Variants in RPS6KC1 observed in about 807,000 individuals in gnomAD.
RPS6KC1 encodes the protein inactive ribosomal protein S6 kinase delta-1.
In RPS6KC1, 54 loss-of-function variants were observed where a neutral mutation model predicts 103.8. The observed-to-expected ratio is 0.52, with a 90% CI of 0.42 to 0.65. RPS6KC1 has a LOEUF of 0.65. Among genes scored for constraint, RPS6KC1 ranks in the 30% least tolerant of loss-of-function variants. RPS6KC1 has a pLI of 0.00. For missense variants in RPS6KC1, 1,151 were observed against 1,253.8 expected (o/e 0.92, Z 1.24); for synonymous variants, 439 against 438.7 (o/e 1.00, Z -0.01).
At chr1:213,315,227 T>A in the RPS6KC1 span, among the ~76,000 whole-genome samples, 2 of 152,262 alleles carry the variant, frequency 1.3e-5, no homozygotes, top group African/African-American at 4.8e-5. Context: ...GTTCTTCACC[T>A]GTCTTTTTGG....
chr1:213,688,249 C>T, the RPS6KC1 span, among the ~76,000 whole-genome samples: 1,816 of 152,262 alleles, frequency 0.012, 36 homozygotes, highest in African/African-American at 0.041. Context: ...CTTCCTTCTC[C>T]CCAAGCTCAA....
the RPS6KC1 span, among the ~76,000 whole-genome samples, chr1:213,799,822 G>T: frequency 6.6e-6 from 1 of 152,198 alleles, no homozygotes; most frequent in African/African-American, 2.4e-5. Flanking sequence ...TAGTAGGCAG[G>T]TATCTTAGTC....
chr1:213,367,533 G>A, the RPS6KC1 span, among the ~76,000 whole-genome samples: 5 of 152,170 alleles, frequency 3.3e-5, no homozygotes, highest in Admixed American at 1.3e-4. Flanking sequence ...GAGTTCTGCC[G>A]TGGTTGAAGA....
At chr1:213,677,554 G>A in the RPS6KC1 span, among the ~76,000 whole-genome samples, 1 of 152,172 alleles carries the variant, frequency 6.6e-6, no homozygotes, top group South Asian at 2.1e-4. Flanking sequence ...AACTCCCCAT[G>A]TGGCATTAAT....
chr1:213,252,321 A>C (rs2149031180), intron 12 of RPS6KC1, among the ~76,000 whole-genome samples: 2 of 152,344 alleles, frequency 1.3e-5, no homozygotes, highest in Middle Eastern at 6.8e-3. Context: ...TGCAAAAAGA[A>C]AGATGTTCTT....
the RPS6KC1 span, among the ~76,000 whole-genome samples, chr1:213,293,952 T>C: frequency 6.6e-6 from 1 of 152,176 alleles, no homozygotes; most frequent in African/African-American, 2.4e-5. Flanking sequence ...CGTAACACAA[T>C]GACAGTTTTT....
At chr1:213,232,087 A>G in intron 9 of RPS6KC1, 36 bp from the exon 10 acceptor site, 1 of 1,607,398 alleles carries the variant, frequency 6.2e-7, no homozygotes, top group Non-Finnish European at 8.5e-7. Context: ...TGAGGATGCA[A>G]CTGAGGATAC....
At chr1:213,401,534 C>A in the RPS6KC1 span, among the ~76,000 whole-genome samples, 3 of 152,188 alleles carry the variant, frequency 2.0e-5, no homozygotes, top group Non-Finnish European at 4.4e-5. Flanking sequence ...TTCACGGAAC[C>A]TGAAGATGGA....
the RPS6KC1 span, among the ~76,000 whole-genome samples, chr1:213,547,753 T>C: frequency 6.6e-6 from 1 of 152,198 alleles, no homozygotes; most frequent in East Asian, 1.9e-4. Context: ...CCTCTTGCCA[T>C]GTGGTTCCTG....
the RPS6KC1 span, among the ~76,000 whole-genome samples, chr1:213,431,849 T>C: frequency 4.5e-3 from 678 of 152,340 alleles, 5 homozygotes; most frequent in African/African-American, 0.016. Context: ...TTATAGGGAC[T>C]ATCTATGTTC....
the RPS6KC1 span, chr1:213,818,085 C>G: frequency 6.6e-6 from 1 of 152,352 alleles, no homozygotes; most frequent in South Asian, 2.1e-4. Context: ...GCCTGCCCCA[C>G]TGACTTTCTG....
the RPS6KC1 span, among the ~76,000 whole-genome samples, chr1:213,595,140 G>T: frequency 6.6e-6 from 1 of 152,142 alleles, no homozygotes; most frequent in African/African-American, 2.4e-5. Context: ...ACAAACACTA[G>T]TTCCAGACTC....
chr1:213,510,130 G>A, the RPS6KC1 span, among the ~76,000 whole-genome samples: 3 of 152,160 alleles, frequency 2.0e-5, no homozygotes, highest in African/African-American at 7.2e-5. Context: ...GCATCATTGT[G>A]CCTTTTCATG....
chr1:213,815,200 T>A, the RPS6KC1 span, among the ~76,000 whole-genome samples: 1 of 152,152 alleles, frequency 6.6e-6, no homozygotes, highest in South Asian at 2.1e-4. Context: ...GAAGGATGCG[T>A]TTACTTCCCC....
the RPS6KC1 span, among the ~76,000 whole-genome samples, chr1:213,687,809 T>TAG: frequency 2.0e-5 from 3 of 152,188 alleles, no homozygotes; most frequent in Admixed American, 6.5e-5. Flanking sequence ...CTTCTGAGCG[T>TAG]AGAGAGAGAG....
At chr1:213,061,610 T>G (rs913933677) in intron 1 of RPS6KC1, among the ~76,000 whole-genome samples, 2 of 151,140 alleles carry the variant, frequency 1.3e-5, no homozygotes, top group African/African-American at 4.9e-5. Context: ...TTTTTGTATG[T>G]ATGAAGTCCA....
In RPS6KC1 at chr1:213,077,822, T is replaced by C. The variant is rs774844476; in HGVS notation, c.262+6T>C. 4.4e-5 allele frequency: 65 copies of C among 1,492,326 alleles called. No homozygotes were observed. The highest frequency in any genetic ancestry group is 3.7e-4 in the Admixed American group (17 of 45,504). 92.4% of individuals were successfully genotyped at this position (1,492,326 alleles called of 1,614,324 possible). On this transcript the variant is annotated splice_donor_region_variant and intron_variant, in intron 3 of 14. Coordinates refer to ENST00000366960, the MANE Select transcript of RPS6KC1 (RefSeq NM_012424.6). Reference sequence around the variant, plus strand: ...TGCTAAAGGAATAGTGTTTGGTAAGTGATTATTTTGAAATTGTAATTTAAA... The same window carrying C: ...TGCTAAAGGAATAGTGTTTGGTAAGCGATTATTTTGAAATTGTAATTTAAA...
chr1:213,535,837 A>G, the RPS6KC1 span, among the ~76,000 whole-genome samples: 2 of 152,216 alleles, frequency 1.3e-5, no homozygotes, highest in East Asian at 3.9e-4. Context: ...GTCGTTGGCT[A>G]GGATCAGGTC....
At chr1:213,619,390 C>T in the RPS6KC1 span, among the ~76,000 whole-genome samples, 4 of 152,158 alleles carry the variant, frequency 2.6e-5, no homozygotes, top group Non-Finnish European at 5.9e-5. Context: ...TACCTGGCTG[C>T]TTATAAAAAA....
Sources: gnomAD v4.1 joint callset for allele counts (sites outside exome capture counted in the v4.1 genomes callset) on GRCh38, gnomAD v4.1.1 for gene constraint, MANE v1.5 for transcripts, NCBI Gene and HGNC (gene_info 2026-07-23, HGNC 2026-07-21) for gene names.